Variants in ADAMTS12 observed in about 807,000 individuals in gnomAD.
ADAMTS12 encodes the protein ADAM metallopeptidase with thrombospondin type 1 motif 12.
Under a neutral mutation model 167.8 loss-of-function variants are expected in ADAMTS12, and 118 were observed. That is an observed-to-expected ratio of 0.70 (90% confidence interval 0.61 to 0.82). The LOEUF (loss-of-function observed/expected upper bound fraction) is 0.82. ADAMTS12 is among the 40% of genes least tolerant of loss of function. ADAMTS12 has a pLI of 0.00. For synonymous variants in ADAMTS12, 704 were observed against 716.9 expected (o/e 0.98, Z 0.29); for missense variants, 1,916 against 1,998.8 (o/e 0.96, Z 0.79).
chr5:33,654,228 C>T (rs968934808), intron 7 of ADAMTS12, among the ~76,000 whole-genome samples: 3 of 152,088 alleles, frequency 2.0e-5, no homozygotes, highest in African/African-American at 7.2e-5. Context: ...GATAATTGCT[C>T]ATTGAAGCTT....
chr5:33,714,271 C>A (rs1404491452), intron 3 of ADAMTS12, among the ~76,000 whole-genome samples: 1 of 152,048 alleles, frequency 6.6e-6, no homozygotes, highest in African/African-American at 2.4e-5. Context: ...CACACACACA[C>A]ACAAAATGCT....
At chr5:33,615,761 C>G in intron 15 of ADAMTS12, 67 bp downstream of exon 15, 3 of 1,589,198 alleles carry the variant, frequency 1.9e-6, no homozygotes, top group Non-Finnish European at 1.7e-6. Context: ...TAGCAAGTAC[C>G]TTGGGGAAAA....
intron 2 of ADAMTS12, among the ~76,000 whole-genome samples, chr5:33,856,634 C>T (rs952136212): frequency 2.0e-5 from 3 of 151,494 alleles, no homozygotes; most frequent in Non-Finnish European, 4.4e-5. Flanking sequence ...ATACAAGTAG[C>T]AAATACGTAT....
chr5:33,615,222 T>C (rs1396168235), intron 15 of ADAMTS12, among the ~76,000 whole-genome samples: 1 of 152,234 alleles, frequency 6.6e-6, no homozygotes, highest in East Asian at 1.9e-4. Context: ...GACCTTCAGC[T>C]TCTGTGAGTG....
chr5:33,849,414 AAT>A (rs773889401), intron 2 of ADAMTS12, among the ~76,000 whole-genome samples: 3 of 140,604 alleles, frequency 2.1e-5, no homozygotes, highest in Non-Finnish European at 4.6e-5. Flanking sequence ...ATTGCACAGC[AAT>A]ATATATATGT....
At chr5:33,572,548 A>C (rs1401027789) in intron 19 of ADAMTS12, among the ~76,000 whole-genome samples, 1 of 143,602 alleles carries the variant, frequency 7.0e-6, no homozygotes, top group South Asian at 2.3e-4. Context: ...AAATTCAACA[A>C]GCCTTCATGC....
intron 2 of ADAMTS12, among the ~76,000 whole-genome samples, chr5:33,756,129 A>G (rs1745159547): frequency 6.6e-6 from 1 of 152,208 alleles, no homozygotes; most frequent in Non-Finnish European, 1.5e-5. Context: ...GATGTTCATT[A>G]ACAAGTAGGG....
Position 33,574,852 on chromosome 5 carries a change from T to C in ADAMTS12, c.3972+1202A>G, listed in dbSNP as rs539271280. On this transcript the variant is annotated intron_variant, in intron 19 of 23. Coordinates refer to ENST00000504830, the MANE Select transcript of ADAMTS12 (RefSeq NM_030955.4). ...ATTTTTATATTAGCTGCTAATAGTT[T>C]ACTTCACTTTAACTGGCGAGATGAG... Among the ~76,000 whole-genome samples the C allele has an allele frequency of 2.6e-5, 4 of 152,340 alleles. No individual in the cohort carries two copies. The East Asian group carries it at 7.7e-4, about 29-fold the overall frequency.
At chr5:33,734,497 A>T (rs925334488) in intron 3 of ADAMTS12, among the ~76,000 whole-genome samples, 10 of 152,214 alleles carry the variant, frequency 6.6e-5, no homozygotes, top group African/African-American at 2.2e-4. Flanking sequence ...ATTGTGAATT[A>T]AAAAAATTAT....
At position 33,556,996 on chromosome 5, in the gene ADAMTS12, AG is replaced by A. The variant is rs1745514603; in HGVS notation, c.4125+4030del. Among the ~76,000 whole-genome samples, 3 of 152,230 alleles carry A rather than the reference AG, an allele frequency of 2.0e-5. No homozygotes were observed. In the East Asian group the frequency reaches 5.8e-4, roughly 29 times the overall value. On this transcript the variant is annotated intron_variant, in intron 20 of 23. Transcript: ENST00000504830. Reference sequence around the variant, plus strand: ...CAGACTGCAACATGACCTTTGGTGTAGTCATGAACCTGACATATGTATATGA... The same window carrying A: ...CAGACTGCAACATGACCTTTGGTGTATCATGAACCTGACATATGTATATGA...
At chr5:33,661,070 G>A (rs570990897) in intron 6 of ADAMTS12, among the ~76,000 whole-genome samples, 60 of 152,224 alleles carry the variant, frequency 3.9e-4, no homozygotes, top group Non-Finnish European at 6.6e-4. Flanking sequence ...AGTGCTTGAA[G>A]TTCTCTGTGG....
intron 18 of ADAMTS12, among the ~76,000 whole-genome samples, chr5:33,585,298 A>T (rs1322999819): frequency 6.6e-6 from 1 of 152,202 alleles, no homozygotes; most frequent in Admixed American, 6.5e-5. Flanking sequence ...GTCTGGATGC[A>T]CTGGGTTAAA....
At chr5:33,779,268 C>T (rs1426443738) in intron 2 of ADAMTS12, among the ~76,000 whole-genome samples, 1 of 151,424 alleles carries the variant, frequency 6.6e-6, no homozygotes, top group Non-Finnish European at 1.5e-5. Context: ...TCACTGCAAC[C>T]TCCACCTACC....
chr5:33,793,319 C>A (rs1422780471), intron 2 of ADAMTS12, among the ~76,000 whole-genome samples: 1 of 152,124 alleles, frequency 6.6e-6, no homozygotes, highest in Non-Finnish European at 1.5e-5. Context: ...TCAGACCCCC[C>A]AACAAAATGA....
At chr5:33,588,890 G>T in intron 17 of ADAMTS12, 81 bp from the exon 18 acceptor site, 1 of 1,530,046 alleles carries the variant, frequency 6.5e-7, no homozygotes, top group Non-Finnish European at 8.8e-7. Flanking sequence ...AGCAGGGGCA[G>T]AAATGCAGAT....
intron 2 of ADAMTS12, among the ~76,000 whole-genome samples, chr5:33,872,355 C>A (rs1750069164): frequency 6.6e-6 from 1 of 151,870 alleles, no homozygotes; most frequent in Admixed American, 6.6e-5. Context: ...ACCAGCCTGG[C>A]CAATATGGTG....
intron 3 of ADAMTS12, among the ~76,000 whole-genome samples, chr5:33,695,881 CCA>C: frequency 6.6e-6 from 1 of 152,080 alleles, no homozygotes; most frequent in Non-Finnish European, 1.5e-5. Context: ...GTATATGTTA[CCA>C]AAAACTTTTA....
chr5:33,831,132 CA>C (rs1748283707), intron 2 of ADAMTS12, among the ~76,000 whole-genome samples: 1 of 151,990 alleles, frequency 6.6e-6, no homozygotes, highest in Non-Finnish European at 1.5e-5. Flanking sequence ...TAACAATAGG[CA>C]AAAACAATAG....
Position 33,614,242 on chromosome 5 carries a change from C to T in ADAMTS12, c.2523G>A (p.Gly841=). 1.2e-6 allele frequency: 2 copies of T among 1,613,604 alleles called. No homozygotes were observed. The highest frequency in any genetic ancestry group is 8.5e-7 in the Non-Finnish European group (1 of 1,179,814). ...GHWTECSVTC[G]TGIRRQTAHC... ...GTGAGAGCAGCTGTTTCTCACCTGT[C>T]CCGCAGGTCACACTGCACTCTGTCC... The change falls in exon 16 of 24, where the codon GGG becomes GGA. Residue 841 remains glycine (G), a synonymous_variant. Transcript: ENST00000504830.
Sources: gnomAD v4.1 joint callset for allele counts (sites outside exome capture counted in the v4.1 genomes callset) on GRCh38, gnomAD v4.1.1 for gene constraint, MANE v1.5 for transcripts, NCBI Gene and HGNC (gene_info 2026-07-23, HGNC 2026-07-21) for gene names.